Variants in AJAP1 observed in about 807,000 individuals in gnomAD.
AJAP1 encodes the protein adherens junction-associated protein 1.
A neutral mutation model predicts 35.0 loss-of-function variants in AJAP1; 5 were observed. The observed-to-expected ratio is 0.14, with a 90% CI of 0.07 to 0.30. AJAP1 has a LOEUF of 0.30. AJAP1 is among the 10% of genes least tolerant of loss of function. AJAP1 has a pLI of 1.00. For missense variants in AJAP1, 586 were observed against 571.0 expected (o/e 1.03, Z -0.27); for synonymous variants, 284 against 249.3 (o/e 1.14, Z -1.31).
intron 2 of AJAP1, among the ~76,000 whole-genome samples, chr1:4,744,568 G>A (rs571974318): frequency 2.6e-5 from 4 of 151,948 alleles, no homozygotes; most frequent in East Asian, 1.9e-4. Context: ...ACACCCAGCT[G>A]TGTGCACACA....
intron 2 of AJAP1, among the ~76,000 whole-genome samples, chr1:4,749,510 C>T (rs1641273329): frequency 1.3e-5 from 2 of 152,218 alleles, no homozygotes; most frequent in South Asian, 2.1e-4. Context: ...CTGTCTTCTC[C>T]ACTGCCGGCT....
intron 1 of AJAP1, among the ~76,000 whole-genome samples, chr1:4,666,807 G>C (rs1480052092): frequency 6.7e-6 from 1 of 148,588 alleles, no homozygotes; most frequent in Non-Finnish European, 1.5e-5. Context: ...GAAGGGTTGC[G>C]GAGAGGGGCC....
chr1:4,712,097 C>G lies in AJAP1; in HGVS notation c.227C>G (p.Ala76Gly). 6.4e-7 allele frequency: 1 copy of G among 1,553,276 alleles called. No individual in the cohort carries two copies. Among genetic ancestry groups the G allele is most frequent in the Non-Finnish European group, 8.6e-7 (1 of 1,157,284 alleles). Residue 76 changes from alanine to glycine, a missense_variant, in exon 2 of 6, where the codon GCC becomes GGC. Coordinates refer to ENST00000378191, the MANE Select transcript of AJAP1 (RefSeq NM_018836.4). Reference sequence around the variant, plus strand: ...AGTGGACAGCCAGCGCGGGTCCCGGCCCCGGTGTGGAGCCCCCGGCCGCCC... The same window carrying G: ...AGTGGACAGCCAGCGCGGGTCCCGGGCCCGGTGTGGAGCCCCCGGCCGCCC... ...FRSGQPARVP[A>G]PVWSPRPPRV...
chr1:4,744,015 C>T (rs954482445), intron 2 of AJAP1, among the ~76,000 whole-genome samples: 2 of 152,204 alleles, frequency 1.3e-5, no homozygotes, highest in African/African-American at 4.8e-5. Context: ...GCTGGGATCT[C>T]TGTGAACAGG....
chr1:4,726,352 C>T (rs983367453), intron 2 of AJAP1, among the ~76,000 whole-genome samples: 91 of 152,266 alleles, frequency 6.0e-4, no homozygotes, highest in African/African-American at 1.9e-3. Context: ...ATTCCAACAT[C>T]GTCCTGTGTT....
At chr1:4,661,746 ACT>A (rs1289425099) in intron 1 of AJAP1, among the ~76,000 whole-genome samples, 1 of 152,202 alleles carries the variant, frequency 6.6e-6, no homozygotes, top group African/African-American at 2.4e-5. Context: ...TGTTCAGCTG[ACT>A]CTGAAATCAC....
intron 5 of AJAP1, chr1:4,777,637 C>T (rs182518990): frequency 1.4e-4 from 21 of 152,344 alleles, no homozygotes; most frequent in Admixed American, 1.2e-3. Context: ...CAGCAAACCT[C>T]GTTAATGTTG....
In AJAP1 at chr1:4,774,433, C is replaced by G. The variant is rs1641902961; in HGVS notation, c.1170C>G (p.Ser390=). ...ATTTTTCTGTTCACCGCAGACCCTC[C>G]TCTTCTGATCGGCATCTTATTCCTG... ...YKSTFNGNRP[S]SSDRHLIPVA... Residue 390 remains serine (S), a synonymous_variant, in exon 5 of 6, where the codon TCC becomes TCG. Transcript: ENST00000378191. 5 of 1,614,112 alleles carry G rather than the reference C, an allele frequency of 3.1e-6. No individual in the cohort carries two copies. The African/African-American group carries it at 6.7e-5, about 22-fold the overall frequency.
chr1:4,746,310 C>T (rs115722628), intron 2 of AJAP1, among the ~76,000 whole-genome samples: 2,029 of 152,282 alleles, frequency 0.013, 14 homozygotes, highest in Admixed American at 0.023. Context: ...TTAGGGTCCA[C>T]CCTGAGTCCC....
chr1:4,677,524 C>CA, intron 1 of AJAP1, among the ~76,000 whole-genome samples: 1 of 151,928 alleles, frequency 6.6e-6, no homozygotes, highest in Admixed American at 6.6e-5. Context: ...GATTCCACCT[C>CA]TCTCTGGGTC....
chr1:4,655,527 CTA>C lies in AJAP1; in HGVS notation c.29+75_29+76del. 6.6e-7 allele frequency: 1 copy of C among 1,518,050 alleles called. No homozygotes were observed. The highest frequency in any genetic ancestry group is 8.9e-7 in the Non-Finnish European group (1 of 1,122,286). The allele number at this position is 1,518,050 out of a possible 1,614,324, so 94.0% of individuals were successfully genotyped here. ...GGCTGGGCGGAAGCGGCGCTTTCCTCTATGTTGCAAATCAAGGGACCCCTCTT... is the reference window on the plus strand; with the variant it reads ...GGCTGGGCGGAAGCGGCGCTTTCCTCTGTTGCAAATCAAGGGACCCCTCTT... On this transcript the variant is annotated intron_variant, in intron 1 of 5. Coordinates refer to ENST00000378191, the MANE Select transcript of AJAP1 (RefSeq NM_018836.4). This position sits in a 1 kb window ranked among gnomAD's most constrained non-coding sequence, Gnocchi z 6.9.
intron 1 of AJAP1, among the ~76,000 whole-genome samples, chr1:4,685,814 C>G (rs1260184931): frequency 6.6e-6 from 1 of 152,198 alleles, no homozygotes; most frequent in East Asian, 1.9e-4. Context: ...GTAGAATCTC[C>G]CCTCTGCCTC....
At chr1:4,668,207 C>T in intron 1 of AJAP1, among the ~76,000 whole-genome samples, 1 of 42,986 alleles carries the variant, frequency 2.3e-5, no homozygotes, top group East Asian at 5.2e-4. Context: ...GAGTGAAACT[C>T]TATCTCAAAA....
In AJAP1 at chr1:4,660,880, G is replaced by A. The variant is rs538070750; in HGVS notation, c.29+5426G>A. 5.9e-5 allele frequency among the ~76,000 whole-genome samples: 9 copies of A among 152,334 alleles called. No individual in the cohort carries two copies. In the East Asian group the frequency reaches 1.7e-3, roughly 29 times the overall value. On this transcript the variant is annotated intron_variant, in intron 1 of 5. Transcript: ENST00000378191. The stretch of plus-strand genomic sequence containing the variant: ...TTCAGGCATAATTATTGGATAAGAA[G>A]ATCTGTCCACATCTTTACGTAAATT...
chr1:4,664,118 A>G (rs1639063766), intron 1 of AJAP1, among the ~76,000 whole-genome samples: 4 of 152,202 alleles, frequency 2.6e-5, no homozygotes, highest in Admixed American at 6.5e-5. Flanking sequence ...GAGAAGGCAC[A>G]GAGAACCTGA....
rs1210638497 is a variant in AJAP1 at position 4,656,715 on chromosome 1, A to T, written c.29+1261A>T. ...TGTAACACATCTAGTGAACATTGTC[A>T]GATGTTATTATTAGCATCCCTTCTC... On this transcript the variant is annotated intron_variant, in intron 1 of 5. Transcript: ENST00000378191. This position sits in a 1 kb window ranked among gnomAD's most constrained non-coding sequence, Gnocchi z 5.7. Among the ~76,000 whole-genome samples, 1 of 151,988 alleles carries T rather than the reference A, an allele frequency of 6.6e-6. No homozygotes were observed. The highest frequency in any genetic ancestry group is 2.4e-5 in the African/African-American group (1 of 41,378).
rs1193090211 is a variant in AJAP1, at chr1:4,790,016, C to T, written c.*7531C>T. On this transcript the variant is annotated 3_prime_UTR_variant, in exon 6 of 6. Coordinates refer to ENST00000378191, the MANE Select transcript of AJAP1 (RefSeq NM_018836.4). ...TGTTCACTCTTCAGTCATCCCAAGCCAAAAGGGAAAATTCGAAACCCACTG... is the reference window on the plus strand; with the variant it reads ...TGTTCACTCTTCAGTCATCCCAAGCTAAAAGGGAAAATTCGAAACCCACTG... 2.0e-5 allele frequency: 3 copies of T among 152,196 alleles called. No individual in the cohort carries two copies. The highest frequency in any genetic ancestry group is 7.2e-5 in the African/African-American group (3 of 41,406). The allele number at this position is 152,196 out of a possible 1,614,324, so 9.4% of individuals were successfully genotyped here.
intron 1 of AJAP1, among the ~76,000 whole-genome samples, chr1:4,665,766 C>CGTGCTGGGTGCT (rs1639102139): frequency 6.6e-6 from 1 of 152,220 alleles, no homozygotes. Flanking sequence ...GTGGCCACCG[C>CGTGCTGGGTGCT]GTGCTGGGTG....
At chr1:4,695,049 C>T (rs986140780) in intron 1 of AJAP1, among the ~76,000 whole-genome samples, 3 of 152,074 alleles carry the variant, frequency 2.0e-5, no homozygotes, top group African/African-American at 4.8e-5. Context: ...GTACTTTGGC[C>T]GCCAGGGGAC....
Sources: gnomAD v4.1 joint callset for allele counts (sites outside exome capture counted in the v4.1 genomes callset) on GRCh38, gnomAD v4.1.1 for gene constraint, Gnocchi (gnomAD v3.1) non-coding constraint, MANE v1.5 for transcripts, NCBI Gene and HGNC (gene_info 2026-07-23, HGNC 2026-07-21) for gene names.